Variants in ABHD12 observed in about 807,000 individuals in gnomAD.
ABHD12 encodes lysophosphatidylserine lipase ABHD12.
In ABHD12, 43 loss-of-function variants were observed where a neutral mutation model predicts 58.3. The ratio of observed to expected loss-of-function variants is 0.74; its 90% CI spans 0.58 to 0.95. The LOEUF (loss-of-function observed/expected upper bound fraction) is 0.95, where lower values mean the gene tolerates loss of function less well. Among genes scored for constraint, ABHD12 ranks in the 40% least tolerant of loss-of-function variants. The probability of loss-of-function intolerance (pLI) is 0.00; values close to 1 mark genes in which losing one functional copy is unlikely to be tolerated. For missense variants in ABHD12, 539 were observed against 537.2 expected (o/e 1.00, Z -0.03); for synonymous variants, 219 against 211.2 (o/e 1.04, Z -0.32).
chr20:25,376,125 A>T (rs916772471), intron 1 of ABHD12, among the ~76,000 whole-genome samples: 4 of 151,858 alleles, frequency 2.6e-5, no homozygotes, highest in Non-Finnish European at 4.4e-5. Context: ...CTGTCTCAAA[A>T]AATAATAATA....
Position 25,390,730 on chromosome 20 carries a change from A to G in ABHD12, c.-27T>C, listed in dbSNP as rs1600900818. 2 of 1,191,630 alleles carry G rather than the reference A, an allele frequency of 1.7e-6. No individual in the cohort carries two copies. The highest frequency in any genetic ancestry group is 2.1e-6 in the Non-Finnish European group (2 of 938,764). The allele number at this position is 1,191,630 out of a possible 1,614,324, so 73.8% of individuals were successfully genotyped here. A position where few individuals can be genotyped will look rare whatever the true frequency, so the allele number is the denominator to read the frequency against. ...CCGCGGCCGACAGGGCCAGCCGCCG[A>G]CGGCGCCCGCTGGCCTGCGCCGCAG... On this transcript the variant is annotated 5_prime_UTR_variant, in exon 1 of 13. Coordinates refer to ENST00000339157, the MANE Select transcript of ABHD12 (RefSeq NM_001042472.3).
At position 25,306,907 on chromosome 20, in the gene ABHD12, T is replaced by C; in HGVS notation, c.876A>G (p.Arg292=). The C allele has an allele frequency of 6.2e-7, 1 of 1,610,490 alleles. No individual in the cohort carries two copies. Among genetic ancestry groups the C allele is most frequent in the South Asian group, 1.1e-5 (1 of 91,010 alleles). ...AKSHPFSVIY[R]YFPGFDWFFL... ...AGAACCAGTCAAACCCAGGGAAGTA[T>C]CGATATATCTGGAGACAAGATGGAA... The change falls in exon 10 of 13, where the codon CGA becomes CGG. Residue 292 remains arginine (R), a synonymous_variant. Transcript: ENST00000339157.
At chr20:25,344,469 C>A (rs147750802) in intron 1 of ABHD12, among the ~76,000 whole-genome samples, 2 of 152,216 alleles carry the variant, frequency 1.3e-5, no homozygotes, top group African/African-American at 4.8e-5. Context: ...ACAAATCTAA[C>A]AAAATATGTA....
chr20:25,390,517 C>A lies in ABHD12; in HGVS notation c.187G>T (p.Gly63Cys), dbSNP rs1242784972. The change falls in exon 1 of 13, where the codon GGC becomes TGC. Residue 63 changes from glycine (G) to cysteine (C), a missense_variant. Physicochemically the swap from Gly to Cys is radical, Grantham distance 159. Transcript: ENST00000339157. ...CCGCTCCGCGCGAAGCCTCACCTGC[C>A]CAGCGCCCGCTTCATTCCCGCGTCG... The part of the protein sequence containing the change: ...AADAGMKRAL[G>C]RRKGVWLRLR... 2.7e-6 allele frequency: 4 copies of A among 1,463,198 alleles called. No individual in the cohort carries two copies. The Admixed American group carries it at 9.4e-5, about 34-fold the overall frequency. The allele number at this position is 1,463,198 out of a possible 1,614,324, so 90.6% of individuals were successfully genotyped here.
intron 1 of ABHD12, among the ~76,000 whole-genome samples, chr20:25,351,144 A>G (rs949963240): frequency 6.6e-6 from 1 of 152,144 alleles, no homozygotes; most frequent in Non-Finnish European, 1.5e-5. Flanking sequence ...CCCCCTAACA[A>G]TTTGGATCTA....
In ABHD12 at chr20:25,366,344, C is replaced by T. The variant is rs980789053; in HGVS notation, c.191+24169G>A. 3.3e-5 allele frequency among the ~76,000 whole-genome samples: 5 copies of T among 150,734 alleles called. No individual in the cohort carries two copies. The East Asian group carries it at 5.9e-4, about 18-fold the overall frequency. The stretch of plus-strand genomic sequence containing the variant: ...AGGCTGGAGTGCAATGGTGTGATCT[C>T]GGCTTACCGCAACCTCCACCTCCCA... On this transcript the variant is annotated intron_variant, in intron 1 of 12. Coordinates refer to ENST00000339157, the MANE Select transcript of ABHD12 (RefSeq NM_001042472.3).
At chr20:25,331,455 C>T (rs1047082623) in intron 2 of ABHD12, among the ~76,000 whole-genome samples, 28 of 152,072 alleles carry the variant, frequency 1.8e-4, no homozygotes, top group African/African-American at 5.3e-4. Context: ...ATACAGAGAA[C>T]GCCACAAAGA....
intron 1 of ABHD12, among the ~76,000 whole-genome samples, chr20:25,382,940 G>C (rs541572801): frequency 3.4e-5 from 5 of 146,446 alleles, no homozygotes; most frequent in East Asian, 1.9e-4. Flanking sequence ...TACCAGTTGA[G>C]GGGGGGGGCC....
At chr20:25,377,276 T>C (rs1417244646) in intron 1 of ABHD12, among the ~76,000 whole-genome samples, 1 of 152,246 alleles carries the variant, frequency 6.6e-6, no homozygotes, top group Admixed American at 6.5e-5. Flanking sequence ...ATTTTTCTCA[T>C]GTCTTTAGAT....
At chr20:25,339,621 C>T (rs1408762325) in intron 1 of ABHD12, 2 of 1,438,292 alleles carry the variant, frequency 1.4e-6, no homozygotes, top group African/African-American at 1.4e-5. Context: ...CTTACACTCA[C>T]CCTTGCAGAA....
intron 3 of ABHD12, among the ~76,000 whole-genome samples, chr20:25,322,381 A>ATATATATATATATATATATTTTTTTTTT: frequency 1.9e-4 from 11 of 59,240 alleles, no homozygotes; most frequent in South Asian, 5.8e-4. Flanking sequence ...ATATATATAT[A>ATATATATATATATATATATTTTTTTTTT]TTTTTTTTTT....
chr20:25,295,645 AGGCAC>A (rs1203856280), downstream of ABHD12: 1 of 1,614,086 alleles, frequency 6.2e-7, no homozygotes, highest in Non-Finnish European at 8.5e-7. Flanking sequence ...ATGCAGTGCC[AGGCAC>A]AGGTGGACCA....
rs1336438765 is a variant in ABHD12 at position 25,390,436 on chromosome 20, G to C, written c.191+77C>G. On this transcript the variant is annotated intron_variant, in intron 1 of 12. Transcript: ENST00000339157. ...ACTCTGGGAGGGGCTGGGAGGTACC[G>C]CGGCCCCCTGCGGGACGCACCTGCG... The C allele has an allele frequency of 3.1e-3, 4,043 of 1,293,634 alleles. 9 individuals carry two copies. The highest frequency in any genetic ancestry group is 3.7e-3 in the Non-Finnish European group (3,738 of 1,015,582). The allele number at this position is 1,293,634 out of a possible 1,614,324, so 80.1% of individuals were successfully genotyped here. A position where few individuals can be genotyped will look rare whatever the true frequency, so the allele number is the denominator to read the frequency against.
chr20:25,305,387 G>C (rs985146640), intron 10 of ABHD12, among the ~76,000 whole-genome samples: 1 of 146,894 alleles, frequency 6.8e-6, no homozygotes, highest in East Asian at 2.1e-4. Context: ...TTTTGAGACG[G>C]AGTCTCGCTC....
intron 2 of ABHD12, among the ~76,000 whole-genome samples, chr20:25,323,890 G>A (rs1169908205): frequency 6.6e-6 from 1 of 152,252 alleles, no homozygotes; most frequent in Non-Finnish European, 1.5e-5. Context: ...CAGGAAAGGG[G>A]ATGGCGCTGC....
At position 25,300,852 on chromosome 20, in the gene ABHD12, T is replaced by C. The variant is rs11539076; in HGVS notation, c.1190A>G (p.Gln397Arg). Residue 397 changes from glutamine to arginine, a missense_variant, in exon 13 of 13, where the codon CAG becomes CGG. Physicochemically the swap from Gln to Arg is conservative, Grantham distance 43. Transcript: ENST00000339157. ...EFLGKSEPEHQH is the reference protein window; with the variant it reads ...EFLGKSEPEHRH ...TCCTTCCCACGGCCAGGCTCAGTGC[T>C]GGTGCTCAGGCTCCGACTTCCCCAG... The C allele has an allele frequency of 2.6e-5, 42 of 1,614,000 alleles. No homozygotes were observed. Among genetic ancestry groups the C allele is most frequent in the Non-Finnish European group, 3.3e-5 (39 of 1,180,000 alleles).
At chr20:25,367,294 G>A (rs919831008) in intron 1 of ABHD12, among the ~76,000 whole-genome samples, 1 of 152,142 alleles carries the variant, frequency 6.6e-6, no homozygotes, top group African/African-American at 2.4e-5. Flanking sequence ...TGGAGGGAGG[G>A]CTTACAGTTT....
At chr20:25,356,515 G>C (rs2089670153) in intron 1 of ABHD12, among the ~76,000 whole-genome samples, 1 of 152,244 alleles carries the variant, frequency 6.6e-6, no homozygotes, top group African/African-American at 2.4e-5. Context: ...GCTGGGCAGG[G>C]AGTGTGGCAG....
chr20:25,390,747 G>GCCGCCTT lies in ABHD12; in HGVS notation c.-45_-44insAAGGCGG. The GCCGCCTT allele has an allele frequency of 5.7e-6, 2 of 353,842 alleles. No homozygotes were observed. The highest frequency in any genetic ancestry group is 7.9e-6 in the Non-Finnish European group (2 of 252,808). The allele number at this position is 353,842 out of a possible 1,614,324, so 21.9% of individuals were successfully genotyped here. ...AGCCGCCGACGGCGCCCGCTGGCCT[G>GCCGCCTT]CGCCGCAGTGCCGCCGCTCACAGCC... On this transcript the variant is annotated 5_prime_UTR_variant, in exon 1 of 13. Coordinates refer to ENST00000339157, the MANE Select transcript of ABHD12 (RefSeq NM_001042472.3).
Sources: allele counts gnomAD v4.1 joint callset (sites outside exome capture counted in the v4.1 genomes callset), GRCh38; gene constraint gnomAD v4.1.1; transcripts MANE v1.5; gene names NCBI Gene and HGNC (gene_info 2026-07-23, HGNC 2026-07-21).